Variants in HECW2 observed in about 807,000 individuals in gnomAD.
HECW2 encodes E3 ubiquitin-protein ligase HECW2.
Under a neutral mutation model 175.2 loss-of-function variants are expected in HECW2, and 61 were observed. The ratio of observed to expected loss-of-function variants is 0.35; its 90% CI spans 0.28 to 0.43. HECW2 has a LOEUF of 0.43. Ranked by LOEUF, HECW2 falls within the 20% of genes least tolerant of loss-of-function variation. The probability of loss-of-function intolerance (pLI) is 1.00; values close to 1 mark genes in which losing one functional copy is unlikely to be tolerated. For missense variants in HECW2, 1,524 were observed against 2,000.5 expected, an observed-to-expected ratio of 0.76 and a Z score of 4.54; for synonymous variants, 671 against 731.0, an observed-to-expected ratio of 0.92 and a Z score of 1.32.
intron 18 of HECW2, among the ~76,000 whole-genome samples, chr2:196,256,290 T>C (rs1314961754): frequency 6.6e-6 from 1 of 152,162 alleles, no homozygotes; most frequent in African/African-American, 2.4e-5. Flanking sequence ...AGAAAATTTC[T>C]CACACTTCTC....
chr2:196,253,718 C>T (rs1025016817), intron 19 of HECW2, among the ~76,000 whole-genome samples: 3 of 152,260 alleles, frequency 2.0e-5, no homozygotes, highest in East Asian at 1.9e-4. Context: ...ACCACTAATC[C>T]TCCTATTCAT....
At chr2:196,456,298 G>T (rs1419990650) in intron 1 of HECW2, among the ~76,000 whole-genome samples, 1 of 152,158 alleles carries the variant, frequency 6.6e-6, no homozygotes, top group Non-Finnish European at 1.5e-5. Context: ...AGGCAAAATT[G>T]TAAAGCAGAA....
At chr2:196,401,392 A>G (rs1365057777) in intron 2 of HECW2, among the ~76,000 whole-genome samples, 1 of 152,214 alleles carries the variant, frequency 6.6e-6, no homozygotes, top group African/African-American at 2.4e-5. Context: ...GTTTAAAAGT[A>G]CACTTGTGCA....
chr2:196,261,495 CT>C (rs1284910371), intron 17 of HECW2, among the ~76,000 whole-genome samples: 2 of 152,058 alleles, frequency 1.3e-5, no homozygotes, highest in Admixed American at 6.6e-5. Flanking sequence ...TAAAAATAAG[CT>C]TTTTGTTAAG....
At chr2:196,307,908 C>G in intron 11 of HECW2, 27 bp downstream of exon 11, 1 of 1,479,608 alleles carries the variant, frequency 6.8e-7, no homozygotes, top group South Asian at 1.4e-5. Flanking sequence ...CAAAATACAA[C>G]AGTCACAGCA....
At chr2:196,506,168 C>T (rs574901590) in intron 1 of HECW2, among the ~76,000 whole-genome samples, 23 of 152,142 alleles carry the variant, frequency 1.5e-4, no homozygotes, top group Admixed American at 7.2e-4. Context: ...AAGACCCAAA[C>T]GAGGTGAAAG....
chr2:196,492,385 A>T (rs1687231576), intron 1 of HECW2, among the ~76,000 whole-genome samples: 1 of 152,176 alleles, frequency 6.6e-6, no homozygotes, highest in African/African-American at 2.4e-5. Flanking sequence ...TCTCCAATGT[A>T]AGTTACTCCC....
intron 13 of HECW2, among the ~76,000 whole-genome samples, chr2:196,299,148 T>G (rs1690932696): frequency 6.7e-6 from 1 of 149,564 alleles, no homozygotes; most frequent in South Asian, 2.1e-4. Context: ...AATGTATAAA[T>G]GTACAGCATG....
Position 196,318,650 on chromosome 2 carries a change from G to GCAGCTC in HECW2, c.2234_2239dup (p.Gly745_Ala746dup), listed in dbSNP as rs779792816. 4.4e-6 allele frequency: 7 copies of GCAGCTC among 1,600,740 alleles called. No individual in the cohort carries two copies. On this transcript the variant is annotated inframe_insertion, in exon 9 of 29. Transcript: ENST00000644978. ...TTGCGGTGGGCTCTCGGCAGCAGCTGCAGCTCCCTCCAGGCTCCCCCTCCG... is the reference window on the plus strand; with the variant it reads ...TTGCGGTGGGCTCTCGGCAGCAGCTGCAGCTCCAGCTCCCTCCAGGCTCCCCCTCCG...
intron 19 of HECW2, chr2:196,242,431 T>C: frequency 1.9e-6 from 1 of 533,982 alleles, no homozygotes; most frequent in Non-Finnish European, 3.3e-6. Context: ...TCTGTTTGAA[T>C]AGTTACAATG....
chr2:196,241,215 A>G (rs575805530), intron 20 of HECW2, among the ~76,000 whole-genome samples: 2 of 152,226 alleles, frequency 1.3e-5, no homozygotes, highest in Non-Finnish European at 2.9e-5. Context: ...ATGGGCAGAG[A>G]GATGATAGGG....
chr2:196,240,243 A>C lies in HECW2; in HGVS notation c.3764+206T>G, dbSNP rs556646188. The C allele has an allele frequency of 2.4e-5, 9 of 371,556 alleles. No individual in the cohort carries two copies. In the East Asian group the frequency reaches 3.3e-4, roughly 14 times the overall value. The allele number at this position is 371,556 out of a possible 1,614,324, so 23.0% of individuals were successfully genotyped here. A position where few individuals can be genotyped will look rare whatever the true frequency, so the allele number is the denominator to read the frequency against. ...GTTCTCAAAAATGATCTAAAGCTAC[A>C]AGTTTTTACTAAAGGATTTCTATGT... On this transcript the variant is annotated intron_variant, in intron 21 of 28. Coordinates refer to ENST00000644978, the MANE Select transcript of HECW2 (RefSeq NM_001348768.2).
Position 196,292,579 on chromosome 2 carries a change from C to T in HECW2, c.2986G>A (p.Asp996Asn). The change falls in exon 14 of 29, where the codon GAT becomes AAT. Residue 996 changes from aspartate to asparagine, a missense_variant. This residue lies in a region of HECW2 where 291 missense variants were observed against 412.2 expected (regional missense o/e 0.71). Coordinates refer to ENST00000644978, the MANE Select transcript of HECW2 (RefSeq NM_001348768.2). ...ELPRGWEMKH[D>N]HQGKAFFVDH... is the part of the protein sequence containing the mutation. ...CCTCGTGTTACCTTGCCCTGGTGAT[C>T]ATGTTTCATTTCCCATCCCCGCGGC... 6.2e-7 allele frequency: 1 copy of T among 1,613,348 alleles called. No individual in the cohort carries two copies. The highest frequency in any genetic ancestry group is 8.5e-7 in the Non-Finnish European group (1 of 1,179,596).
intron 28 of HECW2, among the ~76,000 whole-genome samples, chr2:196,206,054 C>G (rs992802773): frequency 6.6e-6 from 1 of 152,188 alleles, no homozygotes; most frequent in African/African-American, 2.4e-5. Flanking sequence ...CACACCCCCA[C>G]TCCCACCCCA....
intron 1 of HECW2, among the ~76,000 whole-genome samples, chr2:196,573,036 T>C (rs1690439933): frequency 6.6e-6 from 1 of 152,188 alleles, no homozygotes; most frequent in Admixed American, 6.5e-5. Flanking sequence ...TATGTACCTA[T>C]GGGAGAAGAG....
At chr2:196,422,420 G>A (rs1695430792) in intron 2 of HECW2, among the ~76,000 whole-genome samples, 1 of 152,078 alleles carries the variant, frequency 6.6e-6, no homozygotes, top group Non-Finnish European at 1.5e-5. Context: ...AGAGTTTCCA[G>A]CTCTCTCTTC....
chr2:196,459,645 A>C (rs1295434277), intron 1 of HECW2, among the ~76,000 whole-genome samples: 2 of 151,456 alleles, frequency 1.3e-5, no homozygotes, highest in African/African-American at 4.9e-5. Context: ...GGAAAGCCCC[A>C]CTCCACCCCT....
At chr2:196,464,340 G>A (rs1435615829) in intron 1 of HECW2, among the ~76,000 whole-genome samples, 3 of 152,158 alleles carry the variant, frequency 2.0e-5, no homozygotes, top group African/African-American at 7.2e-5. Flanking sequence ...CAATAGTAAC[G>A]CTGGGAGTTA....
At chr2:196,357,293 G>C (rs1477925188) in intron 2 of HECW2, among the ~76,000 whole-genome samples, 1 of 145,198 alleles carries the variant, frequency 6.9e-6, no homozygotes, top group African/African-American at 2.6e-5. Context: ...ACCCAATCTC[G>C]CACTCTTCAG....
Sources: allele counts gnomAD v4.1 joint callset (sites outside exome capture counted in the v4.1 genomes callset), GRCh38; gene constraint gnomAD v4.1.1; regional missense constraint gnomAD v4.1.1; transcripts MANE v1.5; gene names NCBI Gene and HGNC (gene_info 2026-07-23, HGNC 2026-07-21).